Variants in AMZ1 observed in about 807,000 individuals in gnomAD.
AMZ1 encodes archaemetzincin-1.
A neutral mutation model predicts 29.9 loss-of-function variants in AMZ1; 39 were observed. That is an observed-to-expected ratio of 1.30 (90% confidence interval 1.01 to 1.70). The LOEUF is 1.70. Among genes scored for constraint, AMZ1 ranks in the 40% most tolerant of loss-of-function variants. The pLI is 0.00. For synonymous variants in AMZ1, 458 were observed against 304.0 expected, an observed-to-expected ratio of 1.51 and a Z score of -5.27; for missense variants, 1,041 against 680.6, an observed-to-expected ratio of 1.53 and a Z score of -5.89.
In AMZ1 at chr7:2,716,377, C is replaced by T. The variant is rs1018649735; in HGVS notation, c.*3499C>T. 1 of 152,216 alleles carries T rather than the reference C, an allele frequency of 6.6e-6. No homozygotes were observed. The highest frequency in any genetic ancestry group is 6.5e-5 in the Admixed American group (1 of 15,284). 9.4% of individuals were successfully genotyped at this position (152,216 alleles called of 1,614,324 possible). ...CTGACTCCTGTCCATGGTGTGAACC[C>T]TGAGGGCACGGGACAGTGAGTGGAG... On this transcript the variant is annotated 3_prime_UTR_variant, in exon 7 of 7. Coordinates refer to ENST00000683327, the MANE Select transcript of AMZ1 (RefSeq NM_001384743.1).
At chr7:2,749,515 G>A (rs1790923316) in intron 4 of AMZ1, among the ~76,000 whole-genome samples, 1 of 145,538 alleles carries the variant, frequency 6.9e-6, no homozygotes, top group Non-Finnish European at 1.5e-5. Context: ...CTATTGTGGG[G>A]TAGGGGGAGG....
chr7:2,748,814 G>GA (rs1397199931), intron 4 of AMZ1, among the ~76,000 whole-genome samples: 48 of 151,860 alleles, frequency 3.2e-4, no homozygotes, highest in Admixed American at 8.5e-4. Context: ...AAATTTACAA[G>GA]AAAAAAACAA....
upstream of AMZ1, chr7:2,760,494 C>G (rs187465159): frequency 6.6e-6 from 1 of 152,370 alleles, no homozygotes. Context: ...AAATCAACAC[C>G]GTGGCTTCAC....
intron 4 of AMZ1, among the ~76,000 whole-genome samples, chr7:2,757,732 C>A (rs969994267): frequency 6.6e-6 from 1 of 152,192 alleles, no homozygotes; most frequent in Non-Finnish European, 1.5e-5. Context: ...GGCAAAATAA[C>A]CATGAAGCAT....
intron 2 of AMZ1, 94 bp downstream of exon 2, chr7:2,700,849 C>T (rs1788013972): frequency 2.7e-6 from 4 of 1,484,478 alleles, no homozygotes; most frequent in Non-Finnish European, 3.6e-6. Context: ...CCAGGCAGGA[C>T]TGAAATGAGG....
At chr7:2,721,080 G>C (rs1789400234), downstream of AMZ1, among the ~76,000 whole-genome samples, 4 of 152,192 alleles carry the variant, frequency 2.6e-5, no homozygotes, top group South Asian at 8.3e-4. Context: ...TGGTGGTGGC[G>C]ACCAGCAGCT....
upstream of AMZ1, among the ~76,000 whole-genome samples, chr7:2,684,436 G>C (rs1462571645): frequency 6.6e-6 from 1 of 152,224 alleles, no homozygotes; most frequent in Non-Finnish European, 1.5e-5. Context: ...GGCAGGGCAA[G>C]GTGAAGCAGC....
chr7:2,706,186 T>TC (rs1042032453), intron 3 of AMZ1, among the ~76,000 whole-genome samples: 1 of 152,214 alleles, frequency 6.6e-6, no homozygotes, highest in African/African-American at 2.4e-5. Context: ...GTTTTTAATT[T>TC]TTTTTTAGAG....
intron 1 of AMZ1, among the ~76,000 whole-genome samples, chr7:2,688,674 C>T (rs1383191032): frequency 3.3e-5 from 5 of 152,282 alleles, no homozygotes; most frequent in South Asian, 2.1e-4. Context: ...AAGGCGTTTC[C>T]GGGCTGGGGC....
chr7:2,752,847 A>G (rs1198292797), intron 4 of AMZ1, among the ~76,000 whole-genome samples: 5 of 152,192 alleles, frequency 3.3e-5, no homozygotes, highest in African/African-American at 1.2e-4. Context: ...TGTTGTTCTT[A>G]TAGTACAATA....
chr7:2,749,388 A>C (rs942426557), intron 4 of AMZ1, among the ~76,000 whole-genome samples: 4 of 152,088 alleles, frequency 2.6e-5, no homozygotes, highest in African/African-American at 9.7e-5. Context: ...AGAAACCATC[A>C]TTGTCAGCAA....
At chr7:2,708,083 G>A (rs946221868) in intron 3 of AMZ1, among the ~76,000 whole-genome samples, 2 of 152,034 alleles carry the variant, frequency 1.3e-5, no homozygotes, top group South Asian at 2.1e-4. Flanking sequence ...TTGGCCTCCC[G>A]AGTTGCTGGC....
At chr7:2,729,707 G>A (rs60930161) in intron 4 of AMZ1, 2 of 152,420 alleles carry the variant, frequency 1.3e-5, no homozygotes, top group African/African-American at 4.8e-5. Context: ...ATGTGACTGA[G>A]CCACAGCAAC....
upstream of AMZ1, chr7:2,762,901 G>GGGGAGAAGAGGCCACA: frequency 7.0e-7 from 1 of 1,421,582 alleles, no homozygotes; most frequent in Non-Finnish European, 9.2e-7. Context: ...GTGCTGCGGC[G>GGGGAGAAGAGGCCACA]GGGAGAAGAG....
At chr7:2,689,373 G>C (rs543556471) in intron 1 of AMZ1, among the ~76,000 whole-genome samples, 121 of 152,190 alleles carry the variant, frequency 8.0e-4, no homozygotes, top group Middle Eastern at 3.4e-3. Context: ...ACCTCCCTGG[G>C]GGGGGGATGC....
intron 1 of AMZ1, among the ~76,000 whole-genome samples, chr7:2,692,356 C>CG (rs1554245624): frequency 1.3e-5 from 2 of 151,926 alleles, no homozygotes; most frequent in East Asian, 1.9e-4. Flanking sequence ...CTGGCTAACA[C>CG]GTGAAACCCC....
In AMZ1 at chr7:2,681,920, C is replaced by T. The variant is rs1451913801; in HGVS notation, c.-219+2249C>T. The stretch of plus-strand genomic sequence containing the variant: ...AGAGATGGACAGGCGGCCCCTCCCT[C>T]CCAGTCCCCCAGCCTTGCTGAGCCC... On this transcript the variant is annotated intron_variant, in intron 1 of 6. Coordinates refer to the AMZ1 transcript ENST00000312371. 2.4e-4 allele frequency among the ~76,000 whole-genome samples: 6 copies of T among 25,204 alleles called. 1 individual carries two copies. The Admixed American group carries it at 3.3e-3, about 14-fold the overall frequency. 16.5% of individuals were successfully genotyped at this position (25,204 alleles called of 152,430 possible). A position where few individuals can be genotyped will look rare whatever the true frequency, so the allele number is the denominator to read the frequency against.
intron 1 of AMZ1, among the ~76,000 whole-genome samples, chr7:2,680,691 C>A (rs960312422): frequency 6.6e-6 from 1 of 152,242 alleles, no homozygotes; most frequent in African/African-American, 2.4e-5. Context: ...AGCCGCTGGG[C>A]CGTGGGTTCA....
At chr7:2,758,652 A>T (rs990817937) in intron 4 of AMZ1, among the ~76,000 whole-genome samples, 1 of 152,202 alleles carries the variant, frequency 6.6e-6, no homozygotes, top group Non-Finnish European at 1.5e-5. Context: ...GGGGGCCCCC[A>T]CAGCACACTT....
Sources: allele counts gnomAD v4.1 joint callset (sites outside exome capture counted in the v4.1 genomes callset), GRCh38; gene constraint gnomAD v4.1.1; transcripts MANE v1.5; gene names NCBI Gene and HGNC (gene_info 2026-07-23, HGNC 2026-07-21).